The following DENND4C variants were observed in gnomAD, a reference collection of about 807,000 sequenced individuals.
DENND4C encodes DENN domain-containing protein 4C.
A neutral mutation model predicts 203.0 loss-of-function variants in DENND4C; 108 were observed. The ratio of observed to expected loss-of-function variants is 0.53; its 90% CI spans 0.46 to 0.62. The LOEUF (loss-of-function observed/expected upper bound fraction) is 0.62. Among genes scored for constraint, DENND4C ranks in the 20% least tolerant of loss-of-function variants. The pLI is 0.00. For missense variants in DENND4C, 2,481 were observed against 2,301.2 expected (o/e 1.08, Z -1.60); for synonymous variants, 871 against 792.4 (o/e 1.10, Z -1.67).
At chr9:19,255,821 G>C (rs1197891607) in intron 1 of DENND4C, among the ~76,000 whole-genome samples, 4 of 152,206 alleles carry the variant, frequency 2.6e-5, no homozygotes, top group African/African-American at 7.2e-5. Context: ...CAAGTGGACA[G>C]AAAACCATCA....
At chr9:19,295,232 C>T (rs559898666) in intron 5 of DENND4C, among the ~76,000 whole-genome samples, 54 of 150,808 alleles carry the variant, frequency 3.6e-4, no homozygotes, top group African/African-American at 9.5e-4. Context: ...TTAGGCCGGG[C>T]GCAGTGGCGC....
chr9:19,247,458 C>T lies in DENND4C; in HGVS notation c.-18+16625C>T, dbSNP rs550932384. On this transcript the variant is annotated intron_variant, in intron 1 of 32. Coordinates refer to ENST00000434457, the MANE Select transcript of DENND4C (RefSeq NM_001330640.2). ...TCACCCAGGCCGAAATACAGTGATG[C>T]AATTATAGCTCATTGTAACCTTGAA... Among the ~76,000 whole-genome samples the T allele has an allele frequency of 2.0e-4, 30 of 152,282 alleles. No individual in the cohort carries two copies. The East Asian group carries it at 4.4e-3, about 22-fold the overall frequency.
intron 20 of DENND4C, among the ~76,000 whole-genome samples, chr9:19,339,817 G>A (rs997152505): frequency 6.6e-6 from 1 of 152,102 alleles, no homozygotes; most frequent in Non-Finnish European, 1.5e-5. Flanking sequence ...TTCATATTTA[G>A]AAGATGATAT....
At chr9:19,351,055 G>A (rs760512032) in intron 24 of DENND4C, among the ~76,000 whole-genome samples, 176 bp downstream of exon 24, 2 of 151,974 alleles carry the variant, frequency 1.3e-5, no homozygotes, top group Admixed American at 1.3e-4. Flanking sequence ...GAGCCACAGC[G>A]CCTGGCCTGT....
At chr9:19,306,079 G>A (rs1289702286) in intron 10 of DENND4C, among the ~76,000 whole-genome samples, 3 of 152,210 alleles carry the variant, frequency 2.0e-5, no homozygotes, top group African/African-American at 4.8e-5. Flanking sequence ...GGTTCAGAGA[G>A]TAGCAAACTA....
rs1564074202 is a variant in DENND4C, at chr9:19,238,468, CTCT to C, written c.-18+7636_-18+7638del. ...CTTTCCTTCCCCTCCCCTCCCCTCC[CTCT>C]CCCCTCCCCTCCCCCTTCTCCTCCC... On this transcript the variant is annotated intron_variant, in intron 1 of 32. Transcript: ENST00000434457. 9.4e-3 allele frequency among the ~76,000 whole-genome samples: 414 copies of C among 44,004 alleles called. 3 individuals carry two copies. The highest frequency in any genetic ancestry group is 0.016 in the African/African-American group (158 of 9,688). The allele number at this position is 44,004 out of a possible 152,430, so 28.9% of individuals were successfully genotyped here.
At chr9:19,334,851 T>G in intron 17 of DENND4C, 126 bp from the exon 18 acceptor site, 1 of 971,688 alleles carries the variant, frequency 1.0e-6, no homozygotes, top group Admixed American at 2.8e-5. Flanking sequence ...TTTGCTAAGA[T>G]GCTCAAAGCA....
At chr9:19,301,305 ACT>A (rs1431168832) in intron 9 of DENND4C, among the ~76,000 whole-genome samples, 1 of 152,036 alleles carries the variant, frequency 6.6e-6, no homozygotes, top group Non-Finnish European at 1.5e-5. Flanking sequence ...AAAATAGCTG[ACT>A]CTCTTCTCTT....
intron 20 of DENND4C, among the ~76,000 whole-genome samples, chr9:19,339,361 A>C (rs1225477129): frequency 6.6e-6 from 1 of 152,156 alleles, no homozygotes; most frequent in Admixed American, 6.5e-5. Context: ...AACCTGGCAT[A>C]GTTCTTTAGC....
chr9:19,353,665 G>T (rs531844276), intron 26 of DENND4C, among the ~76,000 whole-genome samples: 2 of 151,890 alleles, frequency 1.3e-5, no homozygotes, highest in South Asian at 4.2e-4. Flanking sequence ...GGGCATGATG[G>T]CTCATGCCTG....
chr9:19,255,999 A>G (rs150297126), intron 1 of DENND4C, among the ~76,000 whole-genome samples: 265 of 151,968 alleles, frequency 1.7e-3, no homozygotes, highest in Middle Eastern at 6.8e-3. Context: ...GCACTTTGGG[A>G]GGCCAGGGTG....
chr9:19,250,725 C>G (rs1454100450), intron 1 of DENND4C, among the ~76,000 whole-genome samples: 1 of 152,232 alleles, frequency 6.6e-6, no homozygotes, highest in Non-Finnish European at 1.5e-5. Context: ...GAAGGGGCTA[C>G]AGGCCCCATG....
chr9:19,311,075 T>G (rs1840642567), intron 10 of DENND4C, among the ~76,000 whole-genome samples: 1 of 152,142 alleles, frequency 6.6e-6, no homozygotes, highest in African/African-American at 2.4e-5. Flanking sequence ...TCAAAAAAAT[T>G]TATTTGACTT....
chr9:19,341,301 T>A (rs76734367), intron 21 of DENND4C, among the ~76,000 whole-genome samples, 187 bp downstream of exon 21: 4 of 145,386 alleles, frequency 2.8e-5, no homozygotes, highest in South Asian at 2.1e-4. Flanking sequence ...TAAGAGAACT[T>A]TCTTTCTTTC....
rs1829147730 is a variant in DENND4C, at chr9:19,373,307, C to T, written c.*1134C>T. 6.6e-6 allele frequency: 1 copy of T among 152,416 alleles called. No homozygotes were observed. Among genetic ancestry groups the T allele is most frequent in the Non-Finnish European group, 1.5e-5 (1 of 68,024 alleles). 9.4% of individuals were successfully genotyped at this position (152,416 alleles called of 1,614,324 possible). A position where few individuals can be genotyped will look rare whatever the true frequency, so the allele number is the denominator to read the frequency against. The stretch of plus-strand genomic sequence containing the variant: ...AGTTTTAAAATGGGAACAAATGAAT[C>T]AATCATCAGATAGTTAAAATGAAAT... On this transcript the variant is annotated 3_prime_UTR_variant, in exon 33 of 33. Transcript: ENST00000434457.
rs71335411 is a variant in DENND4C at position 19,260,371 on chromosome 9, G to GGTTATGTTATGTTATGTTATGTTAT, written c.-17-15771_-17-15747dup. ...GTTGTTTGATGTCCTTATATGTTCT[G>GGTTATGTTATGTTATGTTATGTTAT]GTTATGTTATGTTATGTTATGTTAT... On this transcript the variant is annotated intron_variant, in intron 1 of 32. Transcript: ENST00000434457. 2.5e-3 allele frequency among the ~76,000 whole-genome samples: 375 copies of GGTTATGTTATGTTATGTTATGTTAT among 147,186 alleles called. 2 individuals are homozygous for GGTTATGTTATGTTATGTTATGTTAT. Among genetic ancestry groups the GGTTATGTTATGTTATGTTATGTTAT allele is most frequent in the East Asian group, 4.5e-3 (22 of 4,926 alleles).
intron 20 of DENND4C, among the ~76,000 whole-genome samples, chr9:19,338,019 C>T (rs1820864195): frequency 1.3e-5 from 2 of 152,162 alleles, no homozygotes; most frequent in African/African-American, 4.8e-5. Context: ...CAAAACTTAT[C>T]TGCTGAATTC....
chr9:19,291,172 C>T (rs1024420871), intron 5 of DENND4C, among the ~76,000 whole-genome samples: 2 of 151,914 alleles, frequency 1.3e-5, no homozygotes, highest in Admixed American at 6.6e-5. Context: ...TAGAAAGAAT[C>T]GACAGACACA....
At chr9:19,353,697 C>T (rs1389819817) in intron 26 of DENND4C, among the ~76,000 whole-genome samples, 1 of 151,988 alleles carries the variant, frequency 6.6e-6, no homozygotes, top group Non-Finnish European at 1.5e-5. Context: ...CTTTGGGAGG[C>T]CGAGGCAGGC....
Sources: allele counts gnomAD v4.1 joint callset (sites outside exome capture counted in the v4.1 genomes callset), GRCh38; gene constraint gnomAD v4.1.1; transcripts MANE v1.5; gene names NCBI Gene and HGNC (gene_info 2026-07-23, HGNC 2026-07-21).